Variants in GEMIN5 observed in about 807,000 individuals in gnomAD.
GEMIN5 encodes gem nuclear organelle associated protein 5, also known as gem-associated protein 5.
In GEMIN5, 124 loss-of-function variants were observed where a neutral mutation model predicts 176.9. The ratio of observed to expected loss-of-function variants is 0.70; its 90% confidence interval spans 0.61 to 0.81. The LOEUF (loss-of-function observed/expected upper bound fraction) is 0.81, where lower values mean the gene tolerates loss of function less well. Ranked by LOEUF, GEMIN5 falls within the 40% of genes least tolerant of loss-of-function variation. GEMIN5 has a pLI of 0.00. For missense variants in GEMIN5, 1,843 were observed against 1,814.6 expected (o/e 1.02, Z -0.28); for synonymous variants, 673 against 665.2 (o/e 1.01, Z -0.18).
At chr5:154,903,813 T>TG (rs1763515790) in intron 18 of GEMIN5, among the ~76,000 whole-genome samples, 1 of 151,374 alleles carries the variant, frequency 6.6e-6, no homozygotes, top group Non-Finnish European at 1.5e-5. Context: ...AGATTTACTT[T>TG]GAAAAAAAAA....
At position 154,937,862 on chromosome 5, in the gene GEMIN5, G is replaced by A. The variant is rs1334969615; in HGVS notation, c.166+106C>T. 8 of 1,005,970 alleles carry A rather than the reference G, an allele frequency of 8.0e-6. No individual in the cohort carries two copies. The East Asian group carries it at 2.6e-4, about 32-fold the overall frequency. 62.3% of individuals were successfully genotyped at this position (1,005,970 alleles called of 1,614,324 possible). On this transcript the variant is annotated intron_variant, in intron 1 of 27. Transcript: ENST00000285873. The stretch of plus-strand genomic sequence containing the variant: ...GTGGGCTGCCTCTCCTCCCAGCCTG[G>A]GCCTCAGTTTCCCTAGCTGTAGAAA...
At chr5:154,890,689 G>C (rs1168034420) in intron 26 of GEMIN5, among the ~76,000 whole-genome samples, 1 of 152,084 alleles carries the variant, frequency 6.6e-6, no homozygotes, top group Non-Finnish European at 1.5e-5. Flanking sequence ...GGCTGAACTT[G>C]AGCTCCTGGC....
intron 24 of GEMIN5, among the ~76,000 whole-genome samples, chr5:154,893,497 TA>T (rs1375462949): frequency 7.2e-5 from 11 of 152,082 alleles, no homozygotes; most frequent in African/African-American, 2.7e-4. Flanking sequence ...TGCTCAATTT[TA>T]AGTATGTAGT....
Position 154,936,012 on chromosome 5 carries a change from G to C in GEMIN5, c.338C>G (p.Ser113Ter), listed in dbSNP as rs778261289. The C allele has an allele frequency of 6.3e-7, 1 of 1,592,272 alleles. No homozygotes were observed. Among genetic ancestry groups the C allele is most frequent in the East Asian group, 2.2e-5 (1 of 44,790 alleles). The change falls in exon 3 of 28, where the codon TCA (serine) becomes TGA (stop). Residue 113 changes from serine to a stop codon, truncating the protein, a stop_gained. Transcript: ENST00000285873. LOFTEE classifies it high-confidence loss of function. ...TEHALHQHTI[S>*]TLHWSPRVKD... Reference sequence around the variant, plus strand: ...TACTCGAGGAGACCAATGTAATGTTGATATCGTATGCTTTAAAACAAAACA... The same window carrying C: ...TACTCGAGGAGACCAATGTAATGTTCATATCGTATGCTTTAAAACAAAACA...
In GEMIN5 at chr5:154,905,405, T is replaced by C. The variant is rs960171375; in HGVS notation, c.2467A>G (p.Lys823Glu). ...GGCTCCTTTTTCAGTAAAATGACTT[T>C]GTTATTAATGGTGACTTTTGACTTT... is the stretch of plus-strand genomic sequence containing the variant. ...FEKSKVTINNKVILLKKEPPK... is the reference protein window; with the variant it reads ...FEKSKVTINNEVILLKKEPPK... Residue 823 changes from lysine (K) to glutamate (E), a missense_variant, in exon 17 of 28, where the codon AAA becomes GAA. Transcript: ENST00000285873. 6.2e-7 allele frequency: 1 copy of C among 1,609,102 alleles called. No individual in the cohort carries two copies. The highest frequency in any genetic ancestry group is 1.3e-5 in the African/African-American group (1 of 74,836).
At position 154,889,063 on chromosome 5, in the gene GEMIN5, A is replaced by G. The variant is rs1582645424; in HGVS notation, c.4359+258T>C. ...GGCTAATATTTTGTATTTTTAGTAGAGACGGGGTTTCACCATGTTAGCCAG... is the reference window on the plus strand; with the variant it reads ...GGCTAATATTTTGTATTTTTAGTAGGGACGGGGTTTCACCATGTTAGCCAG... On this transcript the variant is annotated intron_variant, in intron 27 of 27. Coordinates refer to ENST00000285873, the MANE Select transcript of GEMIN5 (RefSeq NM_015465.5). Among the ~76,000 whole-genome samples, 8 of 152,082 alleles carry G rather than the reference A, an allele frequency of 5.3e-5. No individual in the cohort carries two copies. In the South Asian group the frequency reaches 1.7e-3, roughly 32 times the overall value.
intron 20 of GEMIN5, 138 bp downstream of exon 20, chr5:154,902,397 AGTTT>A (rs770957643): frequency 8.4e-5 from 60 of 713,184 alleles, no homozygotes; most frequent in Non-Finnish European, 1.3e-4. Flanking sequence ...TGGATTTATT[AGTTT>A]GTCTATTGCT....
At position 154,932,080 on chromosome 5, in the gene GEMIN5, T is replaced by C. The variant is rs1262689199; in HGVS notation, c.661+19A>G. 3 of 1,587,162 alleles carry C rather than the reference T, an allele frequency of 1.9e-6. No homozygotes were observed. The highest frequency in any genetic ancestry group is 1.7e-6 in the Non-Finnish European group (2 of 1,163,386). On this transcript the variant is annotated intron_variant, in intron 4 of 27. Coordinates refer to ENST00000285873, the MANE Select transcript of GEMIN5 (RefSeq NM_015465.5). ...TTCAGGTCTCAAGTGGACTTAACTTTCCCTTAAACCATCTCTACCTGAAGT... is the reference window on the plus strand; with the variant it reads ...TTCAGGTCTCAAGTGGACTTAACTTCCCCTTAAACCATCTCTACCTGAAGT...
At chr5:154,898,955 G>A (rs1582653456) in intron 22 of GEMIN5, among the ~76,000 whole-genome samples, 2 of 152,260 alleles carry the variant, frequency 1.3e-5, no homozygotes, top group East Asian at 1.9e-4. Flanking sequence ...TTAGAAAAAT[G>A]CATAATTTCT....
chr5:154,899,975 T>C (rs1763431954), intron 21 of GEMIN5, among the ~76,000 whole-genome samples: 2 of 151,916 alleles, frequency 1.3e-5, no homozygotes, highest in Non-Finnish European at 2.9e-5. Flanking sequence ...TTATTCAGTG[T>C]TGGGTATTTG....
chr5:154,936,921 T>A (rs1429893688), intron 2 of GEMIN5, 104 bp downstream of exon 2: 11 of 829,556 alleles, frequency 1.3e-5, no homozygotes, highest in Admixed American at 9.9e-5. Context: ...TGAACACAAT[T>A]ACAAGTTACT....
At chr5:154,931,329 G>A in intron 5 of GEMIN5, 129 bp downstream of exon 5, 1 of 900,378 alleles carries the variant, frequency 1.1e-6, no homozygotes, top group Non-Finnish European at 1.6e-6. Flanking sequence ...TGAGGAAGCA[G>A]AATTCTAGAC....
intron 14 of GEMIN5, among the ~76,000 whole-genome samples, chr5:154,912,118 G>A (rs555758003): frequency 1.3e-5 from 2 of 152,250 alleles, no homozygotes; most frequent in African/African-American, 4.8e-5. Context: ...ATTTCTACGG[G>A]GATGATTTTG....
chr5:154,896,389 A>G, intron 23 of GEMIN5, 46 bp from the exon 24 acceptor site: 1 of 1,513,460 alleles, frequency 6.6e-7, no homozygotes, highest in Non-Finnish European at 8.8e-7. Context: ...CAGGGAAAGC[A>G]CTGGATGATC....
At position 154,928,679 on chromosome 5, in the gene GEMIN5, C is replaced by A; in HGVS notation, c.782-20G>T. The A allele has an allele frequency of 6.2e-7, 1 of 1,612,704 alleles. No individual in the cohort carries two copies. The highest frequency in any genetic ancestry group is 8.5e-7 in the Non-Finnish European group (1 of 1,178,816). Reference sequence around the variant, plus strand: ...TCACCCCTGCAGATTAAAAAGAAGGCCAGTGGGCACTCAAGACAGTGAAAC... The same window carrying A: ...TCACCCCTGCAGATTAAAAAGAAGGACAGTGGGCACTCAAGACAGTGAAAC... On this transcript the variant is annotated intron_variant, in intron 5 of 27. Coordinates refer to ENST00000285873, the MANE Select transcript of GEMIN5 (RefSeq NM_015465.5).
intron 18 of GEMIN5, 88 bp downstream of exon 18, chr5:154,904,419 T>C: frequency 8.8e-7 from 1 of 1,130,620 alleles, no homozygotes; most frequent in African/African-American, 1.6e-5. Context: ...AGACATTTCT[T>C]TGGGCATTCA....
rs141025447 is a variant in GEMIN5 at position 154,907,786 on chromosome 5, G to A, written c.2200C>T (p.Leu734Phe). 4.8e-4 allele frequency: 773 copies of A among 1,613,738 alleles called. 2 individuals carry two copies. Among genetic ancestry groups the A allele is most frequent in the Middle Eastern group, 1.5e-3 (9 of 6,062 alleles). Reference protein sequence around the residue: ...KKSIELEKKRLSQPKAKPKKK... With the variant: ...KKSIELEKKRFSQPKAKPKKK... ...TTGGGCTTTGCCTTAGGTTGAGAGA[G>A]CCGTTTTTTCTCCAATTCAATACTT... is the stretch of plus-strand genomic sequence containing the variant. Residue 734 changes from leucine (L) to phenylalanine (F), a missense_variant, in exon 16 of 28, where the codon CTC becomes TTC. Physicochemically the swap from Leu to Phe is conservative, Grantham distance 22. Coordinates refer to ENST00000285873, the MANE Select transcript of GEMIN5 (RefSeq NM_015465.5).
At chr5:154,913,387 G>T (rs986716079) in intron 13 of GEMIN5, among the ~76,000 whole-genome samples, 5 of 152,140 alleles carry the variant, frequency 3.3e-5, no homozygotes, top group African/African-American at 1.2e-4. Flanking sequence ...GAAGTGTTAG[G>T]TCTCATTATA....
Position 154,902,693 on chromosome 5 carries a change from T to G in GEMIN5, c.2729-17A>C, listed in dbSNP as rs376985725. 1.6e-5 allele frequency: 25 copies of G among 1,612,440 alleles called. No individual in the cohort carries two copies. In the Admixed American group the frequency reaches 2.2e-4, roughly 14 times the overall value. ...GACCTTTTCCTGTTTGAAAGAGAGA[T>G]AATGTTTGGAAGGTGTTTCAGAAAC... On this transcript the variant is annotated splice_polypyrimidine_tract_variant and intron_variant, in intron 19 of 27. Coordinates refer to ENST00000285873, the MANE Select transcript of GEMIN5 (RefSeq NM_015465.5).
Sources: gnomAD v4.1 joint callset for allele counts (sites outside exome capture counted in the v4.1 genomes callset) on GRCh38, gnomAD v4.1.1 for gene constraint, MANE v1.5 for transcripts, NCBI Gene and HGNC (gene_info 2026-07-23, HGNC 2026-07-21) for gene names.